Variants in ENOX1 observed in about 807,000 individuals in gnomAD.
ENOX1 encodes the protein ecto-NOX disulfide-thiol exchanger 1.
A neutral mutation model predicts 82.5 loss-of-function variants in ENOX1; 42 were observed. That is an observed-to-expected ratio of 0.51 (90% CI 0.40 to 0.66). The LOEUF is 0.66. Ranked by LOEUF, ENOX1 falls within the 30% of genes least tolerant of loss-of-function variation. The pLI is 0.00. For missense variants in ENOX1, 608 were observed against 811.6 expected (o/e 0.75, Z 3.05); for synonymous variants, 271 against 282.2 (o/e 0.96, Z 0.40).
chr13:43,242,182 A>T (rs1455066648), intron 14 of ENOX1, among the ~76,000 whole-genome samples: 1 of 152,216 alleles, frequency 6.6e-6, no homozygotes, highest in Non-Finnish European at 1.5e-5. Flanking sequence ...TTATTTTCCC[A>T]GTCCTCTTAC....
intron 3 of ENOX1, among the ~76,000 whole-genome samples, chr13:43,427,386 T>G (rs1186260939): frequency 6.6e-6 from 1 of 152,180 alleles, no homozygotes; most frequent in Non-Finnish European, 1.5e-5. Context: ...AGAAGGCTAT[T>G]CCTTTGGATT....
Position 43,737,299 on chromosome 13 carries a change from T to A in ENOX1, c.-285+49353A>T, listed in dbSNP as rs962358993. Among the ~76,000 whole-genome samples, 5 of 152,338 alleles carry A rather than the reference T, an allele frequency of 3.3e-5. No individual in the cohort carries two copies. In the South Asian group the frequency reaches 1.0e-3, roughly 32 times the overall value. ...AATATGAATAGAGGTGTCACATATC[T>A]AACATGGAGCACTAACAGTAAATAC... On this transcript the variant is annotated intron_variant, in intron 1 of 16. Coordinates refer to ENST00000690772, the MANE Select transcript of ENOX1 (RefSeq NM_001347969.2).
At chr13:43,262,500 C>T (rs933088601) in intron 14 of ENOX1, among the ~76,000 whole-genome samples, 3 of 152,166 alleles carry the variant, frequency 2.0e-5, no homozygotes, top group African/African-American at 7.2e-5. Context: ...AAAATTCATC[C>T]TGCCAAAAGT....
chr13:43,415,620 A>C (rs1455083682), intron 3 of ENOX1, among the ~76,000 whole-genome samples: 2 of 152,174 alleles, frequency 1.3e-5, no homozygotes, highest in Admixed American at 1.3e-4. Flanking sequence ...AGTTCAGAAC[A>C]AAATGGAGCC....
At chr13:43,517,508 G>T (rs947650665) in intron 2 of ENOX1, among the ~76,000 whole-genome samples, 2 of 152,046 alleles carry the variant, frequency 1.3e-5, no homozygotes, top group African/African-American at 4.8e-5. Context: ...CATAAAAAAT[G>T]CCCTTAAGTT....
At chr13:43,415,232 GTTTTTT>G (rs71202260) in intron 3 of ENOX1, among the ~76,000 whole-genome samples, 28 of 54,642 alleles carry the variant, frequency 5.1e-4, no homozygotes, top group African/African-American at 1.0e-3. Context: ...CCAATCCAAT[GTTTTTT>G]TTTTTTTTTT....
intron 1 of ENOX1, among the ~76,000 whole-genome samples, chr13:43,784,308 AG>A (rs1483365578): frequency 6.6e-6 from 1 of 152,232 alleles, no homozygotes; most frequent in Admixed American, 6.5e-5. Context: ...TAAATCCCTT[AG>A]GGAAATCAAG....
At chr13:43,732,159 G>C (rs2089384575) in intron 1 of ENOX1, among the ~76,000 whole-genome samples, 1 of 152,194 alleles carries the variant, frequency 6.6e-6, no homozygotes, top group Non-Finnish European at 1.5e-5. Context: ...CACCTAAACA[G>C]CATATTTATG....
chr13:43,489,793 T>C (rs1284776098), intron 2 of ENOX1, among the ~76,000 whole-genome samples: 1 of 152,200 alleles, frequency 6.6e-6, no homozygotes, highest in Admixed American at 6.5e-5. Flanking sequence ...TTGAAGAAGA[T>C]ATGAAGTAAA....
intron 2 of ENOX1, among the ~76,000 whole-genome samples, chr13:43,661,274 G>A (rs2084709669): frequency 6.6e-6 from 1 of 152,176 alleles, no homozygotes; most frequent in African/African-American, 2.4e-5. Flanking sequence ...TTAATTGGAT[G>A]GATATAGATA....
chr13:43,316,697 T>C (rs1404757724), intron 11 of ENOX1, among the ~76,000 whole-genome samples: 1 of 151,158 alleles, frequency 6.6e-6, no homozygotes, highest in African/African-American at 2.4e-5. Flanking sequence ...TAACTGCACA[T>C]GAAATTAGGG....
chr13:43,612,998 A>G (rs2082261929), intron 2 of ENOX1, among the ~76,000 whole-genome samples: 1 of 152,158 alleles, frequency 6.6e-6, no homozygotes, highest in Non-Finnish European at 1.5e-5. Context: ...ATGGCATTTG[A>G]AGAGATGCAT....
At chr13:43,275,819 T>C (rs2044990900) in intron 12 of ENOX1, among the ~76,000 whole-genome samples, 1 of 152,148 alleles carries the variant, frequency 6.6e-6, no homozygotes. Context: ...AATTCTTACA[T>C]GTACATGATA....
intron 8 of ENOX1, among the ~76,000 whole-genome samples, chr13:43,353,320 T>C (rs1364639837): frequency 6.6e-6 from 1 of 152,174 alleles, no homozygotes; most frequent in African/African-American, 2.4e-5. Flanking sequence ...CAGATTTTGC[T>C]AAATAAAGCT....
intron 11 of ENOX1, among the ~76,000 whole-genome samples, chr13:43,315,947 T>C (rs1398369719): frequency 6.6e-6 from 1 of 152,120 alleles, no homozygotes; most frequent in Admixed American, 6.5e-5. Flanking sequence ...TCAGGGCACT[T>C]TGGGCTGCAC....
intron 3 of ENOX1, among the ~76,000 whole-genome samples, chr13:43,468,199 T>A (rs898822934): frequency 6.6e-6 from 1 of 152,084 alleles, no homozygotes; most frequent in South Asian, 2.1e-4. Flanking sequence ...TTTTTCTTTT[T>A]TTGAGACAGA....
intron 3 of ENOX1, among the ~76,000 whole-genome samples, chr13:43,436,034 T>C (rs1460081476): frequency 6.6e-6 from 1 of 152,138 alleles, no homozygotes; most frequent in African/African-American, 2.4e-5. Flanking sequence ...ATCGGGAGCG[T>C]TGGAGGCTGC....
chr13:43,648,965 G>A (rs972556229), intron 2 of ENOX1, among the ~76,000 whole-genome samples: 3 of 152,168 alleles, frequency 2.0e-5, no homozygotes, highest in Non-Finnish European at 4.4e-5. Context: ...GCATTGCTCA[G>A]GGTTAGACCC....
intron 12 of ENOX1, among the ~76,000 whole-genome samples, chr13:43,284,688 G>A (rs1287096024): frequency 6.6e-6 from 1 of 151,848 alleles, no homozygotes; most frequent in African/African-American, 2.4e-5. Context: ...ACTCTTCCTT[G>A]GAAACTTACT....
Sources: gnomAD v4.1 joint callset for allele counts (sites outside exome capture counted in the v4.1 genomes callset) on GRCh38, gnomAD v4.1.1 for gene constraint, MANE v1.5 for transcripts, NCBI Gene and HGNC (gene_info 2026-07-23, HGNC 2026-07-21) for gene names.